The following GALK2 variants were observed in gnomAD, a reference collection of about 807,000 sequenced individuals.
The protein encoded by GALK2 is galactokinase 2, also known as N-acetylgalactosamine kinase.
Under a neutral mutation model 52.4 loss-of-function variants are expected in GALK2, and 36 were observed. That is an observed-to-expected ratio of 0.69 (90% CI 0.53 to 0.91). The LOEUF (loss-of-function observed/expected upper bound fraction) is 0.91, where lower values mean the gene tolerates loss of function less well. GALK2 is among the 40% of genes least tolerant of loss of function. GALK2 has a pLI of 0.00. For synonymous variants in GALK2, 176 were observed against 199.1 expected (o/e 0.88, Z 0.98); for missense variants, 579 against 559.1 (o/e 1.04, Z -0.36).
chr15:49,246,993 A>G (rs972348396), intron 5 of GALK2, among the ~76,000 whole-genome samples: 4 of 152,216 alleles, frequency 2.6e-5, no homozygotes, highest in South Asian at 2.1e-4. Context: ...ATGAAGAGCT[A>G]TACAAATAAA....
At chr15:49,158,308 C>G (rs936959711) in intron 1 of GALK2, among the ~76,000 whole-genome samples, 2 of 152,100 alleles carry the variant, frequency 1.3e-5, no homozygotes, top group Non-Finnish European at 2.9e-5. Context: ...ATGCTGAGAA[C>G]AGAAAAATGA....
At chr15:49,206,609 T>G (rs2088306437) in intron 2 of GALK2, among the ~76,000 whole-genome samples, 1 of 152,164 alleles carries the variant, frequency 6.6e-6, no homozygotes, top group Non-Finnish European at 1.5e-5. Flanking sequence ...GCAGCTATTG[T>G]AAAAGGGGTT....
chr15:49,228,837 G>A (rs1453296077), intron 3 of GALK2, among the ~76,000 whole-genome samples: 1 of 149,982 alleles, frequency 6.7e-6, no homozygotes, highest in Non-Finnish European at 1.5e-5. Context: ...GAGGATTACA[G>A]GCACCCACCA....
intron 5 of GALK2, among the ~76,000 whole-genome samples, chr15:49,257,157 T>A (rs2091847214): frequency 6.6e-6 from 1 of 152,150 alleles, no homozygotes; most frequent in Non-Finnish European, 1.5e-5. Context: ...TCATTATTAG[T>A]TTTAGGCATT....
At chr15:49,358,602 G>T (rs1476725843) in intron 3 of GALK2, among the ~76,000 whole-genome samples, 14 of 149,188 alleles carry the variant, frequency 9.4e-5, no homozygotes, top group Non-Finnish European at 1.6e-4. Flanking sequence ...ACAAACAAAT[G>T]GAAGAACATT....
At chr15:49,301,437 G>T (rs954240987) in intron 8 of GALK2, among the ~76,000 whole-genome samples, 1 of 152,064 alleles carries the variant, frequency 6.6e-6, no homozygotes, top group African/African-American at 2.4e-5. Flanking sequence ...GAGCCTCAGG[G>T]GCCAGACTTA....
At chr15:49,228,105 C>T (rs1450564539) in intron 3 of GALK2, among the ~76,000 whole-genome samples, 1 of 152,086 alleles carries the variant, frequency 6.6e-6, no homozygotes, top group Non-Finnish European at 1.5e-5. Context: ...GGTGGGGCTC[C>T]TTTGTAAGTG....
chr15:49,161,301 A>C (rs894222388), intron 1 of GALK2, among the ~76,000 whole-genome samples: 6 of 152,210 alleles, frequency 3.9e-5, no homozygotes, highest in African/African-American at 1.4e-4. Context: ...CAGCAGTTGA[A>C]AAGGTCTTCA....
intron 5 of GALK2, among the ~76,000 whole-genome samples, chr15:49,272,382 C>G (rs890818556): frequency 2.6e-5 from 4 of 152,126 alleles, no homozygotes; most frequent in African/African-American, 7.2e-5. Context: ...ATCAAGAAAG[C>G]CTTGTCATGT....
intron 3 of GALK2, among the ~76,000 whole-genome samples, chr15:49,234,428 T>C (rs2090677158): frequency 1.3e-5 from 2 of 152,138 alleles, no homozygotes; most frequent in Admixed American, 1.3e-4. Context: ...ATGCTGTTAA[T>C]AGAGAAAAAC....
chr15:49,158,268 A>G (rs1301054781), intron 1 of GALK2, among the ~76,000 whole-genome samples: 2 of 152,228 alleles, frequency 1.3e-5, no homozygotes, highest in Non-Finnish European at 2.9e-5. Flanking sequence ...AAAGAATTCA[A>G]CAAGATGACG....
At chr15:49,227,164 A>G (rs564004799) in intron 3 of GALK2, among the ~76,000 whole-genome samples, 15 of 152,302 alleles carry the variant, frequency 9.8e-5, no homozygotes, top group Middle Eastern at 6.8e-3. Context: ...TGCAGTCTAA[A>G]TCCAGTGTTT....
rs576217437 is a variant in GALK2, at chr15:49,328,876, T to G, written c.*717T>G. The G allele has an allele frequency of 2.1e-4, 280 of 1,331,468 alleles. 2 individuals carry two copies. In the Admixed American group the frequency reaches 7.0e-3, roughly 33 times the overall value. The allele number at this position is 1,331,468 out of a possible 1,614,324, so 82.5% of individuals were successfully genotyped here. A position where few individuals can be genotyped will look rare whatever the true frequency, so the allele number is the denominator to read the frequency against. Reference sequence around the variant, plus strand: ...ATATAAATAACCACTTTCAATTCTTTTGGCCCTGAGCTATCTCCATTACTT... The same window carrying G: ...ATATAAATAACCACTTTCAATTCTTGTGGCCCTGAGCTATCTCCATTACTT... On this transcript the variant is annotated 3_prime_UTR_variant, in exon 10 of 10. Coordinates refer to ENST00000560031, the MANE Select transcript of GALK2 (RefSeq NM_002044.4).
chr15:49,207,088 A>T (rs2088354805), intron 2 of GALK2, among the ~76,000 whole-genome samples: 1 of 152,158 alleles, frequency 6.6e-6, no homozygotes, highest in African/African-American at 2.4e-5. Context: ...GCATCTATTG[A>T]GATGATCATG....
chr15:49,213,340 T>A (rs900283729), intron 2 of GALK2, among the ~76,000 whole-genome samples: 2 of 152,280 alleles, frequency 1.3e-5, no homozygotes, highest in African/African-American at 4.8e-5. Flanking sequence ...TGGAGTATCT[T>A]TTTCTTTTTT....
intron 3 of GALK2, chr15:49,366,295 A>T (rs1567162081): frequency 1.3e-6 from 1 of 788,116 alleles, no homozygotes; most frequent in Non-Finnish European, 2.4e-6. Context: ...TCACATCAGG[A>T]AATTCAGATC....
At position 49,325,741 on chromosome 15, in the gene GALK2, T is replaced by A; in HGVS notation, c.1170-2211T>A. Among the ~76,000 whole-genome samples the A allele has an allele frequency of 1.3e-5, 2 of 152,216 alleles. 1 individual carries two copies. The highest frequency in any genetic ancestry group is 6.3e-3 in the Middle Eastern group (2 of 316). On this transcript the variant is annotated intron_variant, in intron 9 of 9. Coordinates refer to ENST00000560031, the MANE Select transcript of GALK2 (RefSeq NM_002044.4). ...TTATTTGGGAAATTTGAGCCCTGAT[T>A]TCAGACCATGTGATTGATGCAATTC... is the stretch of plus-strand genomic sequence containing the variant.
chr15:49,341,845 G>A (rs2040775833), intron 3 of GALK2, among the ~76,000 whole-genome samples: 2 of 152,202 alleles, frequency 1.3e-5, no homozygotes, highest in African/African-American at 4.8e-5. Flanking sequence ...ATTCAATTGT[G>A]TGGTTTTGGG....
intron 5 of GALK2, among the ~76,000 whole-genome samples, chr15:49,276,970 C>CTTTTTTTT (rs1233754984): frequency 1.8e-4 from 5 of 28,324 alleles, no homozygotes; most frequent in Non-Finnish European, 2.7e-4. Flanking sequence ...TTTTTCTTTT[C>CTTTTTTTT]TTTTTTTTTT....
Sources: allele counts gnomAD v4.1 joint callset (sites outside exome capture counted in the v4.1 genomes callset), GRCh38; gene constraint gnomAD v4.1.1; transcripts MANE v1.5; gene names NCBI Gene and HGNC (gene_info 2026-07-23, HGNC 2026-07-21).